OTOP1: variants seen among roughly 807,000 people sequenced by gnomAD.
OTOP1 encodes otopetrin 1.
OTOP1 carries 59 observed loss-of-function variants against 52.9 expected under a neutral mutation model. The observed-to-expected ratio is 1.12, with a 90% CI of 0.91 to 1.39. The LOEUF is 1.39. OTOP1 is among the 40% of genes most tolerant of loss of function. The probability of loss-of-function intolerance (pLI) is 0.00; values close to 1 mark genes in which losing one functional copy is unlikely to be tolerated. For missense variants in OTOP1, 761 were observed against 800.9 expected (o/e 0.95, Z 0.60); for synonymous variants, 317 against 337.7 (o/e 0.94, Z 0.67).
rs954068210 is a variant in OTOP1, at chr4:4,195,937, C to G, written c.1668+1229G>C. Reference sequence around the variant, plus strand: ...AGAGACTGAGTCTTTCCACTTTAATCTTTAGTACCCTGCCCAGCCCCTAGC... The same window carrying G: ...AGAGACTGAGTCTTTCCACTTTAATGTTTAGTACCCTGCCCAGCCCCTAGC... On this transcript the variant is annotated intron_variant, in intron 5 of 5. Transcript: ENST00000296358. 1.9e-4 allele frequency among the ~76,000 whole-genome samples: 29 copies of G among 152,272 alleles called. 1 individual carries two copies. The highest frequency in any genetic ancestry group is 6.7e-4 in the African/African-American group (28 of 41,558).
chr4:4,221,118 T>C (rs902655914), intron 1 of OTOP1, among the ~76,000 whole-genome samples: 1 of 150,664 alleles, frequency 6.6e-6, no homozygotes, highest in Non-Finnish European at 1.5e-5. Context: ...CTCACTCTGT[T>C]GTCCAGGCTG....
At position 4,188,785 on chromosome 4, in the gene OTOP1, G is replaced by C. The variant is rs1466497828; in HGVS notation, c.*18C>G. 2 of 1,600,652 alleles carry C rather than the reference G, an allele frequency of 1.2e-6. No individual in the cohort carries two copies. The highest frequency in any genetic ancestry group is 2.7e-5 in the African/African-American group (2 of 74,540). ...TGAACTCTTGTTAGCTCACTCCTAGGTCTCTTGTGGACCCAGACTATATCT... is the reference window on the plus strand; with the variant it reads ...TGAACTCTTGTTAGCTCACTCCTAGCTCTCTTGTGGACCCAGACTATATCT... On this transcript the variant is annotated 3_prime_UTR_variant, in exon 6 of 6. Coordinates refer to ENST00000296358, the MANE Select transcript of OTOP1 (RefSeq NM_177998.3).
intron 1 of OTOP1, among the ~76,000 whole-genome samples, chr4:4,224,401 G>T (rs1314565860): frequency 6.6e-6 from 1 of 151,076 alleles, no homozygotes; most frequent in African/African-American, 2.4e-5. Flanking sequence ...AGGGAATAGG[G>T]AGGGAGGGAG....
chr4:4,207,366 T>G (rs1484222114), intron 2 of OTOP1, among the ~76,000 whole-genome samples: 1 of 152,134 alleles, frequency 6.6e-6, no homozygotes, highest in Admixed American at 6.5e-5. Context: ...AAACTTGTAA[T>G]AGAAAATTCT....
At chr4:4,194,960 C>A (rs1463730303) in intron 5 of OTOP1, among the ~76,000 whole-genome samples, 1 of 152,214 alleles carries the variant, frequency 6.6e-6, no homozygotes, top group Admixed American at 6.5e-5. Flanking sequence ...AGCTCCTCCC[C>A]TTCCTGCCTG....
chr4:4,205,686 T>C (rs932491448), intron 3 of OTOP1, among the ~76,000 whole-genome samples: 2 of 152,242 alleles, frequency 1.3e-5, no homozygotes, highest in Non-Finnish European at 2.9e-5. Context: ...AATAAACTCC[T>C]GCTAGTTTTT....
At position 4,197,935 on chromosome 4, in the gene OTOP1, T is replaced by G; in HGVS notation, c.899A>C (p.Gln300Pro). 1.9e-6 allele frequency: 3 copies of G among 1,614,066 alleles called. No homozygotes were observed. In the Admixed American group the frequency reaches 5.0e-5, roughly 27 times the overall value. The change falls in exon 5 of 6, where the codon CAG becomes CCG. Residue 300 changes from glutamine to proline, a missense_variant. Physicochemically the swap from Gln to Pro is moderately conservative, Grantham distance 76. Transcript: ENST00000296358. ...AGACTTGAACTGCATCTTCTGGTGCTGATGGCTGTCAACTTTGCGCCCGAT... is the reference window on the plus strand; with the variant it reads ...AGACTTGAACTGCATCTTCTGGTGCGGATGGCTGTCAACTTTGCGCCCGAT... ...KNIGRKVDSH[Q>P]HQKMQFKSDG... is the part of the protein sequence containing the mutation.
rs146452551 is a variant in OTOP1, at chr4:4,202,527, G to A, written c.651C>T (p.Gly217=). ...GTTGGTGCTTTGACTCATTGAGGAC[G>A]CCATTGGCCCACAGAAGCAGGTTGG... ...VFTNLLLWAN[G]VLNESKHQLN... Residue 217 remains glycine (G), a synonymous_variant, in exon 4 of 6, where the codon GGC becomes GGT. Coordinates refer to ENST00000296358, the MANE Select transcript of OTOP1 (RefSeq NM_177998.3). 3.4e-5 allele frequency: 55 copies of A among 1,614,062 alleles called. No individual in the cohort carries two copies. Among genetic ancestry groups the A allele is most frequent in the Middle Eastern group, 3.3e-4 (2 of 6,060 alleles).
chr4:4,197,828 T>C lies in OTOP1; in HGVS notation c.1006A>G (p.Ile336Val), dbSNP rs1299604968. 1.2e-6 allele frequency: 2 copies of C among 1,613,750 alleles called. No homozygotes were observed. The highest frequency in any genetic ancestry group is 1.7e-6 in the Non-Finnish European group (2 of 1,179,970). The change falls in exon 5 of 6, where the codon ATT (isoleucine) becomes GTT (valine). Residue 336 changes from isoleucine to valine, a missense_variant. Physicochemically the swap from Ile to Val is conservative, Grantham distance 29. Coordinates refer to ENST00000296358, the MANE Select transcript of OTOP1 (RefSeq NM_177998.3). Reference protein sequence around the residue: ...IAVVVVYLIHIGRSKTKSESA... With the variant: ...IAVVVVYLIHVGRSKTKSESA... ...TCGCTCTTGGTCTTGGAGCGCCCAATATGAATCAGGTATACCACCACCACA... is the reference window on the plus strand; with the variant it reads ...TCGCTCTTGGTCTTGGAGCGCCCAACATGAATCAGGTATACCACCACCACA...
At position 4,202,340 on chromosome 4, in the gene OTOP1, C is replaced by T. The variant is rs1224470693; in HGVS notation, c.730+108G>A. The T allele has an allele frequency of 2.7e-5, 40 of 1,495,694 alleles. No homozygotes were observed. In the East Asian group the frequency reaches 7.7e-4, roughly 29 times the overall value. The allele number at this position is 1,495,694 out of a possible 1,614,324, so 92.7% of individuals were successfully genotyped here. On this transcript the variant is annotated intron_variant, in intron 4 of 5. Coordinates refer to ENST00000296358, the MANE Select transcript of OTOP1 (RefSeq NM_177998.3). ...TCTGGCTGATGCTGAGTTGGGTGGCCCTGCAGTTCTTTGGAACCTGCACTC... is the reference window on the plus strand; with the variant it reads ...TCTGGCTGATGCTGAGTTGGGTGGCTCTGCAGTTCTTTGGAACCTGCACTC...
At chr4:4,216,782 T>A (rs1717162962) in intron 1 of OTOP1, among the ~76,000 whole-genome samples, 1 of 152,170 alleles carries the variant, frequency 6.6e-6, no homozygotes, top group Admixed American at 6.5e-5. Context: ...GGCATGAAAC[T>A]GTAGAGACCT....
intron 3 of OTOP1, among the ~76,000 whole-genome samples, chr4:4,203,063 T>C (rs1469789583): frequency 1.3e-5 from 2 of 152,240 alleles, no homozygotes; most frequent in African/African-American, 4.8e-5. Context: ...CACCTACTTC[T>C]AAGGACACTG....
intron 1 of OTOP1, among the ~76,000 whole-genome samples, chr4:4,224,525 A>G (rs1477546448): frequency 6.6e-6 from 1 of 152,208 alleles, no homozygotes; most frequent in Admixed American, 6.5e-5. Flanking sequence ...GTAAAGGCTC[A>G]TGTGTATAAT....
chr4:4,212,195 C>G (rs1303950743), intron 2 of OTOP1, among the ~76,000 whole-genome samples: 1 of 152,194 alleles, frequency 6.6e-6, no homozygotes, highest in African/African-American at 2.4e-5. Flanking sequence ...GAACACTACC[C>G]TGAAGACCCA....
intron 1 of OTOP1, among the ~76,000 whole-genome samples, chr4:4,220,919 G>A (rs1276396955): frequency 6.6e-6 from 1 of 152,102 alleles, no homozygotes; most frequent in Non-Finnish European, 1.5e-5. Context: ...GCTTTCCAAT[G>A]CATCATGACC....
chr4:4,226,582 A>C lies in OTOP1; in HGVS notation c.283T>G (p.Phe95Val). ...TGCAGCAGCATGAGCGCCGTCAGGA[A>C]GCACAGCAGGTCGCTCTTGCTCACG... ...AGVSKSDLLCFLTALMLLQLL... is the reference protein window; with the variant it reads ...AGVSKSDLLCVLTALMLLQLL... Residue 95 changes from phenylalanine to valine, a missense_variant, in exon 1 of 6, where the codon TTC (phenylalanine) becomes GTC (valine). Physicochemically the swap from Phe to Val is conservative, Grantham distance 50. This residue lies in a region of OTOP1 where 56 missense variants were observed against 105.6 expected (regional missense o/e 0.53). Transcript: ENST00000296358. 6 of 1,604,784 alleles carry C rather than the reference A, an allele frequency of 3.7e-6. No homozygotes were observed. The highest frequency in any genetic ancestry group is 5.1e-6 in the Non-Finnish European group (6 of 1,178,484).
intron 5 of OTOP1, among the ~76,000 whole-genome samples, chr4:4,195,463 A>C (rs1716601699): frequency 6.6e-6 from 1 of 152,154 alleles, no homozygotes; most frequent in African/African-American, 2.4e-5. Flanking sequence ...AGGGGTGCCC[A>C]TGTGAGAGAC....
chr4:4,199,220 T>TTGAGTGTG (rs1716720590), intron 4 of OTOP1, among the ~76,000 whole-genome samples: 1 of 54,158 alleles, frequency 1.8e-5, no homozygotes, highest in African/African-American at 8.8e-5. Flanking sequence ...TCAGGTAAAA[T>TTGAGTGTG]TGTGTGTGTG....
In OTOP1 at chr4:4,226,824, G is replaced by A. The variant is rs112649745; in HGVS notation, c.41C>T (p.Ala14Val). The change falls in exon 1 of 6, where the codon GCT becomes GTT. Residue 14 changes from alanine (A) to valine (V), a missense_variant. Transcript: ENST00000296358. Reference protein sequence around the residue: ...GLGSPASPRAAASASVAGSSG... With the variant: ...GLGSPASPRAVASASVAGSSG... ...CGACCCTGCGACCGAGGCGCTTGCAGCTGCCCGGGGCGAGGCGGGCGACCC... is the reference window on the plus strand; with the variant it reads ...CGACCCTGCGACCGAGGCGCTTGCAACTGCCCGGGGCGAGGCGGGCGACCC... 1.5e-6 allele frequency: 2 copies of A among 1,352,244 alleles called. No homozygotes were observed. The highest frequency in any genetic ancestry group is 3.6e-5 in the South Asian group (2 of 55,474). The allele number at this position is 1,352,244 out of a possible 1,614,324, so 83.8% of individuals were successfully genotyped here. A position where few individuals can be genotyped will look rare whatever the true frequency, so the allele number is the denominator to read the frequency against.
Sources: allele counts gnomAD v4.1 joint callset (sites outside exome capture counted in the v4.1 genomes callset), GRCh38; gene constraint gnomAD v4.1.1; regional missense constraint gnomAD v4.1.1; transcripts MANE v1.5; gene names NCBI Gene and HGNC (gene_info 2026-07-23, HGNC 2026-07-21).